Variants in ELMO1 observed in about 807,000 individuals in gnomAD.
ELMO1 encodes engulfment and cell motility 1.
A neutral mutation model predicts 98.9 loss-of-function variants in ELMO1; 26 were observed. That is an observed-to-expected ratio of 0.26 (90% CI 0.19 to 0.36). The LOEUF (loss-of-function observed/expected upper bound fraction) is 0.36, where lower values mean the gene tolerates loss of function less well. ELMO1 is among the 10% of genes least tolerant of loss of function. The pLI is 1.00. For synonymous variants in ELMO1, 346 were observed against 346.0 expected, an observed-to-expected ratio of 1.00 and a Z score of 0.00; for missense variants, 627 against 935.2, an observed-to-expected ratio of 0.67 and a Z score of 4.30.
At chr7:37,124,032 A>G (rs1786303973) in intron 14 of ELMO1, among the ~76,000 whole-genome samples, 1 of 152,254 alleles carries the variant, frequency 6.6e-6, no homozygotes, top group Admixed American at 6.5e-5. Flanking sequence ...ACCAACGACA[A>G]AAACCACATG....
intron 4 of ELMO1, among the ~76,000 whole-genome samples, chr7:37,273,441 C>T (rs1562572505): frequency 2.6e-5 from 4 of 152,190 alleles, no homozygotes; most frequent in Admixed American, 2.0e-4. Context: ...GACATGCCTG[C>T]TTACCTTTCT....
chr7:37,444,085 G>GA (rs1197921717), intron 1 of ELMO1, among the ~76,000 whole-genome samples: 1 of 152,056 alleles, frequency 6.6e-6, no homozygotes, highest in Non-Finnish European at 1.5e-5. Flanking sequence ...TTTAACTTTT[G>GA]AGAGATGTGG....
chr7:37,186,312 G>C (rs1791200884), intron 13 of ELMO1, among the ~76,000 whole-genome samples: 2 of 152,026 alleles, frequency 1.3e-5, no homozygotes, highest in South Asian at 4.2e-4. Flanking sequence ...AACTCAAAAT[G>C]GATCAAAGAA....
intron 4 of ELMO1, among the ~76,000 whole-genome samples, chr7:37,290,276 C>T (rs1292129924): frequency 6.6e-6 from 1 of 151,952 alleles, no homozygotes; most frequent in East Asian, 1.9e-4. Context: ...AGATAACATA[C>T]GTCAGAGAAA....
chr7:37,336,067 A>C (rs1800388933), intron 2 of ELMO1, among the ~76,000 whole-genome samples: 1 of 151,146 alleles, frequency 6.6e-6, no homozygotes, highest in Non-Finnish European at 1.5e-5. Flanking sequence ...TCACTACTAA[A>C]AATACAAAGA....
At chr7:37,026,741 G>A (rs1221731386) in intron 15 of ELMO1, among the ~76,000 whole-genome samples, 1 of 152,070 alleles carries the variant, frequency 6.6e-6, no homozygotes, top group Non-Finnish European at 1.5e-5. Context: ...CTCTGCTAAT[G>A]GCACTTCACT....
At chr7:37,122,469 A>G (rs558171215) in intron 14 of ELMO1, among the ~76,000 whole-genome samples, 1 of 152,354 alleles carries the variant, frequency 6.6e-6, no homozygotes, top group South Asian at 2.1e-4. Context: ...AAAACAAAAA[A>G]AGGCAGGGGT....
intron 16 of ELMO1, among the ~76,000 whole-genome samples, chr7:36,917,599 T>A (rs151240951): frequency 1.3e-5 from 2 of 152,324 alleles, no homozygotes; most frequent in East Asian, 1.9e-4. Context: ...CTCTCAGACA[T>A]CAGAATGATG....
intron 16 of ELMO1, among the ~76,000 whole-genome samples, chr7:36,995,370 TG>T (rs1198301056): frequency 1.3e-5 from 2 of 152,114 alleles, no homozygotes; most frequent in East Asian, 1.9e-4. Context: ...TAGCTGGGCA[TG>T]GTGGTGCACA....
At chr7:37,022,524 CAAT>C (rs529733394) in intron 15 of ELMO1, among the ~76,000 whole-genome samples, 91 of 152,242 alleles carry the variant, frequency 6.0e-4, no homozygotes, top group African/African-American at 2.1e-3. Flanking sequence ...CTTTAAACAA[CAAT>C]GAGCTACTTT....
chr7:37,071,384 T>A (rs1312250920), intron 15 of ELMO1, among the ~76,000 whole-genome samples: 1 of 152,188 alleles, frequency 6.6e-6, no homozygotes, highest in African/African-American at 2.4e-5. Context: ...ATGCCCACAA[T>A]CTTAGGAAAA....
intron 16 of ELMO1, among the ~76,000 whole-genome samples, chr7:36,980,286 G>C (rs922148580): frequency 6.6e-6 from 1 of 152,230 alleles, no homozygotes; most frequent in Non-Finnish European, 1.5e-5. Flanking sequence ...AGTTTCAGCT[G>C]TAAGACAATT....
At chr7:37,194,241 C>G (rs1584792000) in intron 13 of ELMO1, among the ~76,000 whole-genome samples, 1 of 152,204 alleles carries the variant, frequency 6.6e-6, no homozygotes, top group East Asian at 1.9e-4. Context: ...TTCTGGCTAT[C>G]TCCAGCTGAA....
rs1355621234 is a variant in ELMO1 at position 37,164,386 on chromosome 7, G to T, written c.1087-31152C>A. Among the ~76,000 whole-genome samples the T allele has an allele frequency of 2.0e-5, 3 of 152,008 alleles. No individual in the cohort carries two copies. In the East Asian group the frequency reaches 5.8e-4, roughly 29 times the overall value. On this transcript the variant is annotated intron_variant, in intron 13 of 21. Transcript: ENST00000310758. The stretch of plus-strand genomic sequence containing the variant: ...TTTGGCTTTTGTTGCCATTGCTTTT[G>T]GTGTTTTAGACATGAAGTCCTTGCC...
At chr7:37,007,335 T>G (rs943648654) in intron 16 of ELMO1, among the ~76,000 whole-genome samples, 9 of 152,206 alleles carry the variant, frequency 5.9e-5, no homozygotes, top group Admixed American at 5.9e-4. Context: ...CCAGGCCCAG[T>G]TCAGATCAAT....
chr7:37,155,066 T>C (rs1190918513), intron 13 of ELMO1, among the ~76,000 whole-genome samples: 1 of 152,146 alleles, frequency 6.6e-6, no homozygotes, highest in Non-Finnish European at 1.5e-5. Flanking sequence ...CTAAGCTTCA[T>C]AAGTGAAGGA....
intron 1 of ELMO1, among the ~76,000 whole-genome samples, chr7:37,371,734 A>G (rs1802122515): frequency 6.6e-6 from 1 of 152,206 alleles, no homozygotes; most frequent in African/African-American, 2.4e-5. Context: ...ACAAGATAAC[A>G]GCAGACTCTC....
At chr7:37,202,509 T>A (rs891180189) in intron 13 of ELMO1, among the ~76,000 whole-genome samples, 2 of 152,352 alleles carry the variant, frequency 1.3e-5, no homozygotes, top group Non-Finnish European at 1.5e-5. Context: ...ATAGACTGGC[T>A]TCTCTTCACC....
chr7:37,275,796 G>A (rs892794960), intron 4 of ELMO1, among the ~76,000 whole-genome samples: 11 of 152,216 alleles, frequency 7.2e-5, no homozygotes, highest in Non-Finnish European at 1.2e-4. Context: ...CATTAAAAAT[G>A]TTAAGGTCCT....
Sources: gnomAD v4.1 joint callset for allele counts (sites outside exome capture counted in the v4.1 genomes callset) on GRCh38, gnomAD v4.1.1 for gene constraint, MANE v1.5 for transcripts, NCBI Gene and HGNC (gene_info 2026-07-23, HGNC 2026-07-21) for gene names.